The following SMIM35 variants were observed in gnomAD, a reference collection of about 807,000 sequenced individuals.
SMIM35 encodes the protein small integral membrane protein 35, also known as TMPRSS4 antisense RNA 1 (non-protein coding).
intron 1 of SMIM35, among the ~76,000 whole-genome samples, chr11:118,062,347 A>T (rs1377759623): frequency 6.6e-6 from 1 of 152,144 alleles, no homozygotes; most frequent in East Asian, 1.9e-4. Context: ...AACAAACAAA[A>T]GTGGGTCAAG....
Position 118,052,295 on chromosome 11 carries a change from A to C in SMIM35, c.7+34456T>G, listed in dbSNP as rs563278173. Among the ~76,000 whole-genome samples, 57 of 152,208 alleles carry C rather than the reference A, an allele frequency of 3.7e-4. 1 individual carries two copies. In the East Asian group the frequency reaches 0.011, roughly 29 times the overall value. On this transcript the variant is annotated intron_variant, in intron 1 of 4. Transcript: ENST00000689828. ...ACGGCTGCTCAGGACTCCAGGGGAC[A>C]AAAGAAGGGCGAGAGGCAGGAGTGA...
At chr11:118,039,095 G>A (rs80170872) in intron 1 of SMIM35, among the ~76,000 whole-genome samples, 6,142 of 152,156 alleles carry the variant, frequency 0.04, 203 homozygotes, top group East Asian at 0.19. Context: ...GCAGTATAAC[G>A]TCATGACCAA....
chr11:118,051,872 A>AATACT (rs1333172686), intron 1 of SMIM35, among the ~76,000 whole-genome samples: 3 of 141,908 alleles, frequency 2.1e-5, no homozygotes, highest in Non-Finnish European at 4.6e-5. Context: ...ATACTATACT[A>AATACT]ATACTAATAC....
chr11:118,056,071 C>T (rs542402111), intron 1 of SMIM35, among the ~76,000 whole-genome samples: 2 of 152,090 alleles, frequency 1.3e-5, no homozygotes, highest in South Asian at 2.1e-4. Context: ...GATCACGGTT[C>T]CCTTAAGGTT....
chr11:118,014,413 GATGGATGGATGGATGGATGA>G (rs2135019604), intron 3 of SMIM35, among the ~76,000 whole-genome samples: 2 of 151,010 alleles, frequency 1.3e-5, no homozygotes, highest in South Asian at 4.2e-4. Flanking sequence ...TGGATGGATG[GATGGATGGATGGATGGATGA>G]ATGGATGGAT....
intron 1 of SMIM35, among the ~76,000 whole-genome samples, chr11:118,046,047 TA>T (rs1270836310): frequency 1.3e-5 from 2 of 152,226 alleles, no homozygotes; most frequent in African/African-American, 4.8e-5. Context: ...AGATATTCAA[TA>T]AGTTATTTTC....
At chr11:118,008,346 T>C (rs1444253639) in intron 4 of SMIM35, among the ~76,000 whole-genome samples, 2 of 152,224 alleles carry the variant, frequency 1.3e-5, no homozygotes, top group Admixed American at 6.5e-5. Context: ...AATATAATAA[T>C]GATCCTCCCA....
rs920824263 is a variant in SMIM35, at chr11:118,035,431, C to G, written c.8-19622G>C. On this transcript the variant is annotated intron_variant, in intron 1 of 4. Transcript: ENST00000689828. ...ATAGAGTGGTCAAGGCACATAGGAGCGCTGCCTTCATGGAGCTCATGTTCT... is the reference window on the plus strand; with the variant it reads ...ATAGAGTGGTCAAGGCACATAGGAGGGCTGCCTTCATGGAGCTCATGTTCT... Among the ~76,000 whole-genome samples, 3 of 152,192 alleles carry G rather than the reference C, an allele frequency of 2.0e-5. No homozygotes were observed. The East Asian group carries it at 5.8e-4, about 29-fold the overall frequency.
chr11:118,077,736 G>T (rs1325744224), intron 1 of SMIM35, among the ~76,000 whole-genome samples: 1 of 152,156 alleles, frequency 6.6e-6, no homozygotes, highest in Non-Finnish European at 1.5e-5. Context: ...TGTAGACTGG[G>T]TGCAGTGGCT....
chr11:118,079,074 A>C (rs3782027), intron 1 of SMIM35, among the ~76,000 whole-genome samples: 2,479 of 152,162 alleles, frequency 0.016, 96 homozygotes, highest in East Asian at 0.11. Flanking sequence ...GGCAGGTGGG[A>C]ACACTGGTGG....
At chr11:118,030,323 T>C (rs2058307897) in intron 1 of SMIM35, among the ~76,000 whole-genome samples, 1 of 152,082 alleles carries the variant, frequency 6.6e-6, no homozygotes, top group Non-Finnish European at 1.5e-5. Flanking sequence ...GTGTGAGCCA[T>C]CGCACCCAAC....
At chr11:118,040,301 C>A (rs750122319) in intron 1 of SMIM35, among the ~76,000 whole-genome samples, 1 of 152,094 alleles carries the variant, frequency 6.6e-6, no homozygotes, top group Admixed American at 6.6e-5. Flanking sequence ...CAAACAGACA[C>A]TTAATAGTAA....
intron 1 of SMIM35, among the ~76,000 whole-genome samples, chr11:118,040,073 G>T (rs1050037149): frequency 6.7e-6 from 1 of 148,514 alleles, no homozygotes; most frequent in East Asian, 2.1e-4. Context: ...AAAATCAGCC[G>T]GGCATGATGG....
chr11:118,064,800 C>T lies in SMIM35; in HGVS notation c.7+21951G>A, dbSNP rs140792425. Among the ~76,000 whole-genome samples the T allele has an allele frequency of 9.2e-3, 1,396 of 152,276 alleles. 17 individuals are homozygous for T. Among genetic ancestry groups the T allele is most frequent in the African/African-American group, 0.031 (1,285 of 41,544 alleles). On this transcript the variant is annotated intron_variant, in intron 1 of 4. Transcript: ENST00000689828. Reference sequence around the variant, plus strand: ...CTGGGACTACAGGCATGTGCCACCACGCCTGGCTACTTTTTGTAATTTTTA... The same window carrying T: ...CTGGGACTACAGGCATGTGCCACCATGCCTGGCTACTTTTTGTAATTTTTA...
intron 1 of SMIM35, among the ~76,000 whole-genome samples, chr11:118,038,870 G>T (rs1351672563): frequency 6.6e-6 from 1 of 152,120 alleles, no homozygotes; most frequent in African/African-American, 2.4e-5. Context: ...GGTAGAGCAT[G>T]ATACTTAGAC....
rs568978445 is a variant in SMIM35, at chr11:118,020,358, T to A, written c.8-4549A>T. Among the ~76,000 whole-genome samples the A allele has an allele frequency of 3.3e-5, 5 of 152,230 alleles. No individual in the cohort carries two copies. In the South Asian group the frequency reaches 6.2e-4, roughly 19 times the overall value. On this transcript the variant is annotated intron_variant, in intron 1 of 4. Transcript: ENST00000689828. ...TATCCTCCCTCATAAGCATGTTAGT[T>A]ATTCTGAGTACTTTTCTCTTTCTTG... is the stretch of plus-strand genomic sequence containing the variant.
chr11:118,009,866 C>A (rs2058141596), intron 4 of SMIM35, among the ~76,000 whole-genome samples: 1 of 152,180 alleles, frequency 6.6e-6, no homozygotes, highest in Non-Finnish European at 1.5e-5. Flanking sequence ...TAGCCCATGA[C>A]CACACAGCAC....
At chr11:118,051,487 C>T (rs1944212939) in intron 1 of SMIM35, among the ~76,000 whole-genome samples, 1 of 152,248 alleles carries the variant, frequency 6.6e-6, no homozygotes, top group Non-Finnish European at 1.5e-5. Flanking sequence ...CCTCCCCATG[C>T]CCTGGATGAG....
intron 1 of SMIM35, among the ~76,000 whole-genome samples, chr11:118,028,420 T>C (rs1228303221): frequency 2.0e-5 from 3 of 151,758 alleles, no homozygotes; most frequent in Non-Finnish European, 4.4e-5. Flanking sequence ...TATTTTTTCT[T>C]TGACATTTAT....
Sources: gnomAD v4.1 joint callset for allele counts (sites outside exome capture counted in the v4.1 genomes callset) on GRCh38, gnomAD v4.1.1 for gene constraint, MANE v1.5 for transcripts, NCBI Gene and HGNC (gene_info 2026-07-23, HGNC 2026-07-21) for gene names.